The following PDE7A variants were observed in gnomAD, a reference collection of about 807,000 sequenced individuals.
The protein encoded by PDE7A is high affinity 3',5'-cyclic-AMP phosphodiesterase 7A.
A neutral mutation model predicts 64.3 loss-of-function variants in PDE7A; 39 were observed. The ratio of observed to expected loss-of-function variants is 0.61; its 90% CI spans 0.47 to 0.79. The LOEUF is 0.79. Among genes scored for constraint, PDE7A ranks in the 30% least tolerant of loss-of-function variants. The probability of loss-of-function intolerance (pLI) is 0.00; values close to 1 mark genes in which losing one functional copy is unlikely to be tolerated. For synonymous variants in PDE7A, 203 were observed against 206.8 expected (o/e 0.98, Z 0.16); for missense variants, 470 against 582.8 (o/e 0.81, Z 1.99).
Position 65,762,710 on chromosome 8 carries a change from A to C in PDE7A, c.284-14907T>G, listed in dbSNP as rs183193206. 3.0e-3 allele frequency among the ~76,000 whole-genome samples: 460 copies of C among 152,274 alleles called. 2 individuals are homozygous for C. The highest frequency in any genetic ancestry group is 3.0e-3 in the Non-Finnish European group (203 of 68,042). ...AATATCAAATATTTTTAAATATGTC[A>C]TACCATTTTTTTTAACAAAACCAGA... is the stretch of plus-strand genomic sequence containing the variant. On this transcript the variant is annotated intron_variant, in intron 3 of 12. Transcript: ENST00000401827.
chr8:65,787,267 C>A (rs1809583752), intron 1 of PDE7A, among the ~76,000 whole-genome samples: 1 of 152,140 alleles, frequency 6.6e-6, no homozygotes, highest in Non-Finnish European at 1.5e-5. Context: ...CTCATTCAAC[C>A]CACACAAGAT....
intron 3 of PDE7A, among the ~76,000 whole-genome samples, chr8:65,768,086 G>A (rs1320828488): frequency 6.6e-6 from 1 of 152,160 alleles, no homozygotes; most frequent in Non-Finnish European, 1.5e-5. Flanking sequence ...ACCGCTTGGT[G>A]TGTTGGGAGA....
chr8:65,796,269 A>G (rs953768028), intron 1 of PDE7A, among the ~76,000 whole-genome samples: 10 of 152,104 alleles, frequency 6.6e-5, no homozygotes, highest in African/African-American at 2.4e-4. Flanking sequence ...TTCTCATCTG[A>G]TAACAACTAT....
At chr8:65,813,530 GA>G (rs1283431502) in intron 1 of PDE7A, among the ~76,000 whole-genome samples, 1 of 151,962 alleles carries the variant, frequency 6.6e-6, no homozygotes, top group Non-Finnish European at 1.5e-5. Context: ...AATGATAGCT[GA>G]TTTTCAAATT....
In PDE7A at chr8:65,734,815, G is replaced by A; in HGVS notation, c.675C>T (p.His225=). ...TTACCTTAGGTTCCTTTAAGTAACA[G>A]TGCATGGCCTGAGTAACATCCGCAG... is the stretch of plus-strand genomic sequence containing the variant. The part of the protein sequence containing the change: ...VHAADVTQAM[H]CYLKEPKLAN... Residue 225 remains histidine (H), a synonymous_variant, in exon 7 of 13, where the codon CAC becomes CAT. Coordinates refer to ENST00000401827, the MANE Select transcript of PDE7A (RefSeq NM_001242318.3). 1.2e-6 allele frequency: 2 copies of A among 1,605,092 alleles called. No individual in the cohort carries two copies. The highest frequency in any genetic ancestry group is 1.1e-5 in the South Asian group (1 of 90,850).
chr8:65,808,591 T>C (rs6982469), intron 1 of PDE7A, among the ~76,000 whole-genome samples: 17,613 of 152,236 alleles, frequency 0.12, 1,042 homozygotes, highest in Middle Eastern at 0.14. Context: ...TTATTATCTC[T>C]GGGTAGTAAC....
At chr8:65,783,536 C>T (rs1023889460) in intron 1 of PDE7A, among the ~76,000 whole-genome samples, 4 of 152,012 alleles carry the variant, frequency 2.6e-5, no homozygotes, top group African/African-American at 9.7e-5. Flanking sequence ...AGCATCATCT[C>T]TTCAGAAAGG....
chr8:65,824,791 A>G (rs1455251128), intron 1 of PDE7A, among the ~76,000 whole-genome samples: 2 of 152,252 alleles, frequency 1.3e-5, no homozygotes, highest in African/African-American at 4.8e-5. Context: ...TTAATAGACT[A>G]CAGTACAGCG....
At chr8:65,775,924 G>A (rs928233366) in intron 3 of PDE7A, among the ~76,000 whole-genome samples, 7 of 151,964 alleles carry the variant, frequency 4.6e-5, no homozygotes, top group Admixed American at 1.3e-4. Flanking sequence ...CACCATGCCC[G>A]GCCTCTTCCC....
intron 9 of PDE7A, among the ~76,000 whole-genome samples, chr8:65,726,354 G>T (rs1806608314): frequency 6.6e-6 from 1 of 151,986 alleles, no homozygotes. Context: ...AAATATTAGG[G>T]TTTTTTCCAT....
chr8:65,778,558 C>T (rs1047972920), intron 3 of PDE7A, among the ~76,000 whole-genome samples: 1 of 152,150 alleles, frequency 6.6e-6, no homozygotes, highest in Non-Finnish European at 1.5e-5. Flanking sequence ...TCCTGATTCT[C>T]GGAATCATGA....
At chr8:65,772,963 GT>G (rs1354731780) in intron 3 of PDE7A, among the ~76,000 whole-genome samples, 9 of 152,078 alleles carry the variant, frequency 5.9e-5, no homozygotes, top group Admixed American at 5.9e-4. Flanking sequence ...AGCTGAGATC[GT>G]GCCACTGCAC....
intron 5 of PDE7A, among the ~76,000 whole-genome samples, chr8:65,745,156 C>G (rs1355116486): frequency 6.6e-6 from 1 of 152,174 alleles, no homozygotes; most frequent in East Asian, 1.9e-4. Context: ...GTAAGATGTG[C>G]CTTTCACCTT....
intron 1 of PDE7A, among the ~76,000 whole-genome samples, chr8:65,834,243 A>C (rs1045286784): frequency 2.0e-5 from 3 of 152,164 alleles, no homozygotes; most frequent in Non-Finnish European, 2.9e-5. Flanking sequence ...CTTTACAACG[A>C]TCCACCTCCC....
chr8:65,787,596 T>G (rs926338089), intron 1 of PDE7A, among the ~76,000 whole-genome samples: 1 of 152,198 alleles, frequency 6.6e-6, no homozygotes, highest in Admixed American at 6.5e-5. Flanking sequence ...TTTTTAAAAA[T>G]AAAATATTAG....
chr8:65,719,368 TTC>T lies in PDE7A; in HGVS notation c.1369_1370del (p.Glu457ThrfsTer5), dbSNP rs1443094561. 6.2e-7 allele frequency: 1 copy of T among 1,613,876 alleles called. No homozygotes were observed. The highest frequency in any genetic ancestry group is 1.3e-5 in the African/African-American group (1 of 74,922). ...NKASWKGLQR[E>X]QSSSEDTDAA... is the part of the protein sequence containing the mutation. Reference sequence around the variant, plus strand: ...CATCAGTGTCCTCACTGCTCGACTGTTCTCTCTGCAGTCCCTTCCAGCTGGCT... The same window carrying T: ...CATCAGTGTCCTCACTGCTCGACTGTTCTCTGCAGTCCCTTCCAGCTGGCT... On this transcript the variant is annotated frameshift_variant, in exon 13 of 13. Transcript: ENST00000401827. LOFTEE classifies it high-confidence loss of function.
chr8:65,735,345 G>A (rs1423325604), intron 6 of PDE7A, among the ~76,000 whole-genome samples: 2 of 152,102 alleles, frequency 1.3e-5, no homozygotes, highest in African/African-American at 4.8e-5. Context: ...ATCTCACTTC[G>A]TTGCCCAGGC....
In PDE7A at chr8:65,715,379, G is replaced by GTTT. The variant is rs869132666; in HGVS notation, c.*3908_*3910dup. On this transcript the variant is annotated 3_prime_UTR_variant, in exon 13 of 13. Coordinates refer to ENST00000401827, the MANE Select transcript of PDE7A (RefSeq NM_001242318.3). ...AGAGAGACCCTGTCTCTATAAAAAA[G>GTTT]TTTTTTTTTTTTTTTTGAGACAGAG... Among the ~76,000 whole-genome samples, 1 of 133,364 alleles carries GTTT rather than the reference G, an allele frequency of 7.5e-6. No homozygotes were observed. The highest frequency in any genetic ancestry group is 1.6e-5 in the Non-Finnish European group (1 of 60,982). The allele number at this position is 133,364 out of a possible 152,430, so 87.5% of individuals were successfully genotyped here. A position where few individuals can be genotyped will look rare whatever the true frequency, so the allele number is the denominator to read the frequency against.
At position 65,841,520 on chromosome 8, in the gene PDE7A, G is replaced by T. The variant is rs1319317702; in HGVS notation, c.-12C>A. The T allele has an allele frequency of 1.7e-5, 25 of 1,470,494 alleles. No homozygotes were observed. The highest frequency in any genetic ancestry group is 2.2e-5 in the Non-Finnish European group (24 of 1,115,962). The allele number at this position is 1,470,494 out of a possible 1,614,324, so 91.1% of individuals were successfully genotyped here. ...TAACACACTTCCATTGAATACGCCC[G>T]CCCTGCCTCCGCGCGGCGCCCGCCC... is the stretch of plus-strand genomic sequence containing the variant. On this transcript the variant is annotated 5_prime_UTR_variant, in exon 1 of 13. Transcript: ENST00000401827.
Sources: allele counts gnomAD v4.1 joint callset (sites outside exome capture counted in the v4.1 genomes callset), GRCh38; gene constraint gnomAD v4.1.1; transcripts MANE v1.5; gene names NCBI Gene and HGNC (gene_info 2026-07-23, HGNC 2026-07-21).